COLQ: variants seen among roughly 807,000 people sequenced by gnomAD.
COLQ encodes the protein collagen like tail subunit of asymmetric acetylcholinesterase, also known as acetylcholinesterase collagenic tail peptide.
Under a neutral mutation model 69.0 loss-of-function variants are expected in COLQ, and 48 were observed. The ratio of observed to expected loss-of-function variants is 0.70; its 90% CI spans 0.55 to 0.88. The LOEUF is 0.88. Ranked by LOEUF, COLQ falls within the 40% of genes least tolerant of loss-of-function variation. COLQ has a pLI of 0.00. For missense variants in COLQ, 618 were observed against 594.6 expected (o/e 1.04, Z -0.41); for synonymous variants, 217 against 211.2 (o/e 1.03, Z -0.24).
chr3:15,489,766 G>C, intron 1 of COLQ, 129 bp from the exon 2 acceptor site: 3 of 765,830 alleles, frequency 3.9e-6, no homozygotes, highest in Non-Finnish European at 6.8e-6. Flanking sequence ...TGTTAGATGT[G>C]GATAGGCCTC....
At chr3:15,488,136 A>C in intron 3 of COLQ, 70 bp downstream of exon 3, 1 of 1,097,924 alleles carries the variant, frequency 9.1e-7, no homozygotes, top group Non-Finnish European at 1.4e-6. Context: ...AGACACTAAG[A>C]GGCTCTGTGC....
At chr3:15,452,019 A>G (rs2061950104) in intron 16 of COLQ, among the ~76,000 whole-genome samples, 1 of 151,914 alleles carries the variant, frequency 6.6e-6, no homozygotes, top group South Asian at 2.1e-4. Context: ...CACTGGCCAG[A>G]TGTGGCTATT....
chr3:15,492,653 C>T (rs370639953), intron 1 of COLQ, among the ~76,000 whole-genome samples: 1 of 143,886 alleles, frequency 6.9e-6, no homozygotes. Context: ...AGCGACAGAG[C>T]GAGACTCCGT....
chr3:15,452,484 C>T (rs557040819), intron 16 of COLQ, among the ~76,000 whole-genome samples: 51 of 152,304 alleles, frequency 3.3e-4, no homozygotes, highest in Middle Eastern at 3.4e-3. Flanking sequence ...GATGATCATC[C>T]GAGACAGGGC....
intron 15 of COLQ, among the ~76,000 whole-genome samples, chr3:15,455,490 A>G (rs1575461391): frequency 6.6e-6 from 1 of 152,256 alleles, no homozygotes; most frequent in East Asian, 1.9e-4. Context: ...CTAGAGCTCT[A>G]CCTGGTAAAT....
intron 16 of COLQ, among the ~76,000 whole-genome samples, chr3:15,452,375 T>C (rs1211874547): frequency 6.6e-6 from 1 of 152,182 alleles, no homozygotes; most frequent in Non-Finnish European, 1.5e-5. Context: ...CCTGAGTAAC[T>C]GCATTTTAAG....
intron 7 of COLQ, 175 bp downstream of exon 7, chr3:15,475,250 C>T: frequency 1.4e-6 from 1 of 705,098 alleles, no homozygotes; most frequent in South Asian, 1.7e-5. Flanking sequence ...CATCCCTATG[C>T]CCCTGCATCC....
At chr3:15,513,019 T>C (rs1413195606) in intron 1 of COLQ, among the ~76,000 whole-genome samples, 1 of 152,262 alleles carries the variant, frequency 6.6e-6, no homozygotes, top group Non-Finnish European at 1.5e-5. Flanking sequence ...ACTGTGTGAC[T>C]GCACCTCTAT....
intron 11 of COLQ, among the ~76,000 whole-genome samples, chr3:15,468,873 T>C (rs1036948726): frequency 2.0e-4 from 31 of 152,206 alleles, no homozygotes; most frequent in African/African-American, 7.2e-4. Context: ...TTAAGTGGTC[T>C]CTGTAATCCT....
chr3:15,475,508 A>G (rs547492845), intron 6 of COLQ, 21 bp from the exon 7 acceptor site: 3 of 1,576,056 alleles, frequency 1.9e-6, no homozygotes, highest in South Asian at 1.2e-5. Flanking sequence ...TAGAAGAAGA[A>G]AAGACCCACG....
In COLQ at chr3:15,487,898, C is replaced by A. The variant is rs2124491; in HGVS notation, c.321+308G>T. 0.38 allele frequency among the ~76,000 whole-genome samples: 57,059 copies of A among 151,916 alleles called. 10,889 individuals are homozygous for A. Among genetic ancestry groups the A allele is most frequent in the East Asian group, 0.51 (2,609 of 5,136 alleles). ...AGGGGCACTGTCATCAAGTGTTTGT[C>A]TGATTGTAACTGTAATAAAAACCAT... On this transcript the variant is annotated intron_variant, in intron 3 of 16. Coordinates refer to ENST00000383788, the MANE Select transcript of COLQ (RefSeq NM_005677.4).
chr3:15,511,303 T>C (rs1471838220), intron 1 of COLQ, among the ~76,000 whole-genome samples: 5 of 152,246 alleles, frequency 3.3e-5, no homozygotes, highest in Non-Finnish European at 7.3e-5. Flanking sequence ...CCTGCCTACA[T>C]GTCTCCATAT....
rs1028156307 is a variant in COLQ at position 15,503,771 on chromosome 3, G to C, written c.107-14134C>G. Among the ~76,000 whole-genome samples the C allele has an allele frequency of 2.0e-5, 3 of 152,060 alleles. 1 individual carries two copies. The highest frequency in any genetic ancestry group is 2.9e-5 in the Non-Finnish European group (2 of 68,022). On this transcript the variant is annotated intron_variant, in intron 1 of 16. Transcript: ENST00000383788. ...TAGGCAGTAGGCCAGGATTGAATCT[G>C]GATGTCTGACTCCAGAGACTTCTGG...
chr3:15,506,174 C>T (rs2062908401), intron 1 of COLQ, among the ~76,000 whole-genome samples: 1 of 152,176 alleles, frequency 6.6e-6, no homozygotes, highest in African/African-American at 2.4e-5. Flanking sequence ...GCAAGATAAA[C>T]CTTAGGCTTT....
chr3:15,458,018 T>C (rs189475842), intron 13 of COLQ, among the ~76,000 whole-genome samples, 168 bp downstream of exon 13: 1 of 152,282 alleles, frequency 6.6e-6, no homozygotes, highest in Non-Finnish European at 1.5e-5. Context: ...AATGGACAAT[T>C]TGGTTTTCCT....
rs983827998 is a variant in COLQ at position 15,453,923 on chromosome 3, G to A, written c.1204C>T (p.Arg402Cys). 3.1e-6 allele frequency: 5 copies of A among 1,606,942 alleles called. No individual in the cohort carries two copies. Among genetic ancestry groups the A allele is most frequent in the East Asian group, 4.5e-5 (2 of 44,418 alleles). The change falls in exon 16 of 17, where the codon CGT becomes TGT. Residue 402 changes from arginine to cysteine, a missense_variant. Transcript: ENST00000383788. ...DVGDDCIRCH[R>C]AYCGDGHRHE... ...CGGTGACCATCTCCACAGTAGGCACGGTGACAGCCTGAGGGGACATAAGGA... is the reference window on the plus strand; with the variant it reads ...CGGTGACCATCTCCACAGTAGGCACAGTGACAGCCTGAGGGGACATAAGGA...
At chr3:15,466,539 G>A (rs934745125) in intron 11 of COLQ, 102 bp from the exon 12 acceptor site, 2 of 946,502 alleles carry the variant, frequency 2.1e-6, no homozygotes, top group Non-Finnish European at 3.4e-6. Flanking sequence ...TAAGGAGCAA[G>A]AGCCCAGTGG....
At chr3:15,478,038 C>A (rs978380437) in intron 5 of COLQ, among the ~76,000 whole-genome samples, 2 of 152,228 alleles carry the variant, frequency 1.3e-5, no homozygotes, top group South Asian at 2.1e-4. Flanking sequence ...GTGAAGGGCT[C>A]AGCCCCTAAA....
intron 13 of COLQ, 67 bp from the exon 14 acceptor site, chr3:15,456,646 G>A: frequency 6.2e-7 from 1 of 1,600,470 alleles, no homozygotes; most frequent in Admixed American, 1.7e-5. Flanking sequence ...AAAAGCTGGA[G>A]GAGGAAACAG....
Sources: allele counts gnomAD v4.1 joint callset (sites outside exome capture counted in the v4.1 genomes callset), GRCh38; gene constraint gnomAD v4.1.1; transcripts MANE v1.5; gene names NCBI Gene and HGNC (gene_info 2026-07-23, HGNC 2026-07-21).